Variants in KATNA1 observed in about 807,000 individuals in gnomAD.
The protein encoded by KATNA1 is katanin catalytic subunit A1, also known as katanin p60 ATPase-containing subunit A1.
A neutral mutation model predicts 62.6 loss-of-function variants in KATNA1; 42 were observed. That is an observed-to-expected ratio of 0.67 (90% CI 0.52 to 0.87). The LOEUF (loss-of-function observed/expected upper bound fraction) is 0.87. KATNA1 is among the 40% of genes least tolerant of loss of function. KATNA1 has a pLI of 0.00. For synonymous variants in KATNA1, 186 were observed against 201.9 expected (o/e 0.92, Z 0.67); for missense variants, 498 against 612.5 (o/e 0.81, Z 1.97).
At position 149,613,179 on chromosome 6, in the gene KATNA1, CAAAAAAAAAAAAAAAAAAAAAAAA is replaced by C. The variant is rs71270309; in HGVS notation, c.502-8421_502-8398del. The stretch of plus-strand genomic sequence containing the variant: ...TGGGCAACAGAGCGAGACTCTGTCT[CAAAAAAAAAAAAAAAAAAAAAAAA>C]AAAAAAAAAAAAAAGAACATCTACA... On this transcript the variant is annotated intron_variant, in intron 4 of 10. Transcript: ENST00000367411. Among the ~76,000 whole-genome samples the C allele has an allele frequency of 1.7e-3, 21 of 12,576 alleles. 1 individual carries two copies. The South Asian group carries it at 0.018, about 11-fold the overall frequency. 8.3% of individuals were successfully genotyped at this position (12,576 alleles called of 152,430 possible).
At chr6:149,625,685 G>C (rs1562294489) in intron 3 of KATNA1, among the ~76,000 whole-genome samples, 1 of 151,850 alleles carries the variant, frequency 6.6e-6, no homozygotes, top group Non-Finnish European at 1.5e-5. Context: ...TGTAATTCCA[G>C]TACTGTGGGA....
chr6:149,639,604 T>A (rs1164895314), intron 1 of KATNA1, among the ~76,000 whole-genome samples: 2 of 151,642 alleles, frequency 1.3e-5, no homozygotes, highest in Non-Finnish European at 2.9e-5. Flanking sequence ...TCTCAAAAAA[T>A]AAAAAAATAA....
At chr6:149,604,834 T>C in intron 4 of KATNA1, 52 bp from the exon 5 acceptor site, 1 of 1,574,876 alleles carries the variant, frequency 6.3e-7, no homozygotes, top group Non-Finnish European at 8.7e-7. Flanking sequence ...TTTGTTTCTG[T>C]GAGTCGGAAA....
intron 7 of KATNA1, among the ~76,000 whole-genome samples, chr6:149,599,448 G>A (rs1205302790): frequency 6.6e-6 from 1 of 152,138 alleles, no homozygotes; most frequent in Admixed American, 6.5e-5. Context: ...TGTGTCCTGG[G>A]TTTAGCTGGC....
At chr6:149,645,330 C>T (rs1780442341) in intron 1 of KATNA1, among the ~76,000 whole-genome samples, 1 of 151,938 alleles carries the variant, frequency 6.6e-6, no homozygotes, top group Non-Finnish European at 1.5e-5. Flanking sequence ...GTAGTCCCAG[C>T]TACTTGGGAG....
chr6:149,644,955 G>A lies in KATNA1; in HGVS notation c.-14+3514C>T, dbSNP rs76931057. Among the ~76,000 whole-genome samples the A allele has an allele frequency of 3.4e-3, 510 of 152,198 alleles. 2 individuals are homozygous for A. The highest frequency in any genetic ancestry group is 0.011 in the African/African-American group (467 of 41,524). On this transcript the variant is annotated intron_variant, in intron 1 of 10. Transcript: ENST00000367411. ...ACTCTTAGTTCCCTAATTGTTAGCC[G>A]AAAATAATTTTCCCCATTCCCTTAT...
At chr6:149,645,661 C>T (rs1483109018) in intron 1 of KATNA1, among the ~76,000 whole-genome samples, 1 of 152,104 alleles carries the variant, frequency 6.6e-6, no homozygotes, top group African/African-American at 2.4e-5. Context: ...TTTTCCTTTA[C>T]ATTATTCTAA....
At chr6:149,646,393 A>C (rs556149676) in intron 1 of KATNA1, among the ~76,000 whole-genome samples, 1 of 152,322 alleles carries the variant, frequency 6.6e-6, no homozygotes, top group African/African-American at 2.4e-5. Context: ...AAGCCCAATC[A>C]TGCATCTTCC....
intron 3 of KATNA1, chr6:149,631,586 A>AC (rs1562297744): frequency 6.7e-6 from 1 of 148,322 alleles, no homozygotes; most frequent in African/African-American, 2.6e-5. Flanking sequence ...AAAAAAAAAC[A>AC]CAAGTAATCA....
chr6:149,606,366 A>G (rs1778741337), intron 4 of KATNA1, among the ~76,000 whole-genome samples: 2 of 152,200 alleles, frequency 1.3e-5, no homozygotes, highest in Admixed American at 6.6e-5. Context: ...GAAGCCCTGC[A>G]TTAGGGTAAA....
rs756103424 is a variant in KATNA1 at position 149,598,326 on chromosome 6, T to C, written c.913A>G (p.Ile305Val). The C allele has an allele frequency of 6.8e-6, 11 of 1,613,800 alleles. No homozygotes were observed. The highest frequency in any genetic ancestry group is 1.6e-4 in the Middle Eastern group (1 of 6,084). Residue 305 changes from isoleucine (I) to valine (V), a missense_variant, in exon 8 of 11, where the codon ATA becomes GTA. Physicochemically the swap from Ile to Val is conservative, Grantham distance 29 (BLOSUM62 3). Coordinates refer to ENST00000367411, the MANE Select transcript of KATNA1 (RefSeq NM_007044.4). ...ATGGAGTCTATCTCATCAATAAATA[T>C]GGTGGCTGGAGAATAAAATCGAGCC... is the stretch of plus-strand genomic sequence containing the variant. ...EMARFYSPAT[I>V]FIDEIDSICS... is the part of the protein sequence containing the mutation.
intron 3 of KATNA1, 79 bp from the exon 4 acceptor site, chr6:149,623,362 T>C (rs1294699681): frequency 1.9e-6 from 2 of 1,042,978 alleles, no homozygotes; most frequent in Non-Finnish European, 1.3e-6. Context: ...GTTAAGAGTC[T>C]ATGAACTAAA....
At chr6:149,598,097 A>G (rs767111187) in intron 8 of KATNA1, 127 bp downstream of exon 8, 2 of 1,005,882 alleles carry the variant, frequency 2.0e-6, no homozygotes, top group African/African-American at 1.6e-5. Context: ...CCTCTAGTCC[A>G]TCTGAAGTTA....
intron 3 of KATNA1, among the ~76,000 whole-genome samples, chr6:149,629,052 A>G (rs1169750220): frequency 6.6e-6 from 1 of 152,150 alleles, no homozygotes; most frequent in Admixed American, 6.6e-5. Context: ...AGCAATAAGA[A>G]GGAACACCAT....
At chr6:149,604,245 G>A (rs1337079907) in intron 5 of KATNA1, among the ~76,000 whole-genome samples, 2 of 152,192 alleles carry the variant, frequency 1.3e-5, no homozygotes, top group African/African-American at 4.8e-5. Context: ...GCTGAGGCAG[G>A]AGGATCACTT....
At chr6:149,608,662 A>G (rs1778831248) in intron 4 of KATNA1, among the ~76,000 whole-genome samples, 1 of 152,188 alleles carries the variant, frequency 6.6e-6, no homozygotes, top group Non-Finnish European at 1.5e-5. Context: ...TTCATTCCCA[A>G]AAATGAAATG....
chr6:149,641,785 A>G (rs955802590), intron 1 of KATNA1, among the ~76,000 whole-genome samples: 1 of 152,254 alleles, frequency 6.6e-6, no homozygotes, highest in Non-Finnish European at 1.5e-5. Context: ...CCTCACAAGA[A>G]AATGAGGACA....
At chr6:149,617,370 A>G (rs1301566191) in intron 4 of KATNA1, among the ~76,000 whole-genome samples, 2 of 152,168 alleles carry the variant, frequency 1.3e-5, no homozygotes, top group African/African-American at 4.8e-5. Flanking sequence ...ATAATTTTTA[A>G]AACTCAGTTG....
chr6:149,601,037 G>A (rs1402951680), intron 7 of KATNA1, among the ~76,000 whole-genome samples: 1 of 152,178 alleles, frequency 6.6e-6, no homozygotes, highest in Non-Finnish European at 1.5e-5. Flanking sequence ...GACGTAATCA[G>A]TGAAGCTTAA....
Sources: gnomAD v4.1 joint callset for allele counts (sites outside exome capture counted in the v4.1 genomes callset) on GRCh38, gnomAD v4.1.1 for gene constraint, MANE v1.5 for transcripts, NCBI Gene and HGNC (gene_info 2026-07-23, HGNC 2026-07-21) for gene names.